SCN11A: variants seen among roughly 807,000 people sequenced by gnomAD.
The protein encoded by SCN11A is sodium voltage-gated channel alpha subunit 11.
Under a neutral mutation model 162.2 loss-of-function variants are expected in SCN11A, and 122 were observed. The observed-to-expected ratio is 0.75, with a 90% CI of 0.65 to 0.87. SCN11A has a LOEUF of 0.87. Ranked by LOEUF, SCN11A falls within the 40% of genes least tolerant of loss-of-function variation. The pLI is 0.00. For synonymous variants in SCN11A, 758 were observed against 751.5 expected (o/e 1.01, Z -0.14); for missense variants, 2,015 against 2,181.6 (o/e 0.92, Z 1.52).
intron 28 of SCN11A, among the ~76,000 whole-genome samples, chr3:38,853,750 C>T (rs1401443989): frequency 1.3e-5 from 2 of 152,180 alleles, no homozygotes; most frequent in African/African-American, 4.8e-5. Flanking sequence ...ATTGCAAGCC[C>T]TTCTTTCATC....
chr3:38,853,845 G>T (rs575041435), intron 28 of SCN11A, among the ~76,000 whole-genome samples: 1 of 152,284 alleles, frequency 6.6e-6, no homozygotes, highest in East Asian at 1.9e-4. Context: ...CAACTCTGTT[G>T]TGCCTATTGT....
chr3:39,049,541 G>C (rs945603625), intron 1 of SCN11A, among the ~76,000 whole-genome samples: 1 of 152,234 alleles, frequency 6.6e-6, no homozygotes, highest in African/African-American at 2.4e-5. Flanking sequence ...CAATGGAATA[G>C]ACTTGCCTAC....
intron 25 of SCN11A, 33 bp downstream of exon 25, chr3:38,871,412 C>T: frequency 6.5e-7 from 1 of 1,539,334 alleles, no homozygotes; most frequent in Non-Finnish European, 8.7e-7. Context: ...AGGTTTTTCT[C>T]CTCAGAGTGA....
rs763391682 is a variant in SCN11A, at chr3:38,910,179, G to C, written c.988C>G (p.His330Asp). 7 of 1,613,452 alleles carry C rather than the reference G, an allele frequency of 4.3e-6. No individual in the cohort carries two copies. The highest frequency in any genetic ancestry group is 5.9e-6 in the Non-Finnish European group (7 of 1,179,538). ...TTATAGTCAGGATTAATTTTGGTGT[G>C]CTTACATTCATATTGTATGGAACAG... ...SACSIQYECK[H>D]TKINPDYNYT... Residue 330 changes from histidine (H) to aspartate (D), a missense_variant, in exon 12 of 30, where the codon CAC becomes GAC. Coordinates refer to ENST00000302328, the MANE Select transcript of SCN11A (RefSeq NM_001349253.2).
At chr3:39,000,193 A>G (rs1430799946) in intron 2 of SCN11A, among the ~76,000 whole-genome samples, 1 of 152,224 alleles carries the variant, frequency 6.6e-6, no homozygotes, top group Non-Finnish European at 1.5e-5. Flanking sequence ...GGGGCAATAC[A>G]TTGCATGTAG....
intron 15 of SCN11A, among the ~76,000 whole-genome samples, chr3:38,904,573 T>C (rs11129810): frequency 0.6 from 90,930 of 151,894 alleles, 27,897 homozygotes; most frequent in South Asian, 0.67. Context: ...GTTCAGACCA[T>C]CCCTGATTTC....
intron 7 of SCN11A, among the ~76,000 whole-genome samples, chr3:38,934,967 C>A: frequency 6.6e-6 from 1 of 151,386 alleles, no homozygotes. Context: ...AAATTGACCA[C>A]ATAGTTGGAA....
chr3:38,949,613 T>C (rs959347760), intron 5 of SCN11A, among the ~76,000 whole-genome samples: 1 of 152,210 alleles, frequency 6.6e-6, no homozygotes, highest in African/African-American at 2.4e-5. Context: ...TGGACCATGA[T>C]ATTAATCCTT....
At chr3:38,878,088 A>C (rs2065249515) in intron 23 of SCN11A, among the ~76,000 whole-genome samples, 1 of 151,760 alleles carries the variant, frequency 6.6e-6, no homozygotes, top group Non-Finnish European at 1.5e-5. Context: ...GCGATGGGGC[A>C]CCAAAATCTC....
At chr3:38,901,033 A>G (rs1287105425) in intron 16 of SCN11A, among the ~76,000 whole-genome samples, 1 of 152,238 alleles carries the variant, frequency 6.6e-6, no homozygotes, top group African/African-American at 2.4e-5. Context: ...AAAAAGCAAG[A>G]ATACAAAAAT....
chr3:39,012,460 TTCTTTCTCTCTC>T (rs1173317449), intron 2 of SCN11A, among the ~76,000 whole-genome samples: 4 of 151,014 alleles, frequency 2.6e-5, no homozygotes, highest in Non-Finnish European at 5.9e-5. Context: ...CTCTCTTTCT[TTCTTTCTCTCTC>T]TCTTTCTCTC....
intron 17 of SCN11A, among the ~76,000 whole-genome samples, chr3:38,898,334 CA>C (rs1333294847): frequency 1.3e-5 from 2 of 152,228 alleles, no homozygotes; most frequent in Non-Finnish European, 2.9e-5. Context: ...TTTATTGGAA[CA>C]TAGCCATGCT....
chr3:38,852,773 T>C (rs2064804402), intron 28 of SCN11A, among the ~76,000 whole-genome samples: 1 of 152,192 alleles, frequency 6.6e-6, no homozygotes, highest in African/African-American at 2.4e-5. Flanking sequence ...TCTGGGGAGA[T>C]AAAGTTGTGG....
intron 2 of SCN11A, among the ~76,000 whole-genome samples, chr3:38,962,738 C>T (rs1376522678): frequency 6.6e-6 from 1 of 152,070 alleles, no homozygotes; most frequent in African/African-American, 2.4e-5. Context: ...ATCCCAGCTA[C>T]TCAGGAGGCT....
At chr3:38,849,913 A>G (rs989543157) in intron 29 of SCN11A, 1 of 152,378 alleles carries the variant, frequency 6.6e-6, no homozygotes, top group African/African-American at 2.4e-5. Flanking sequence ...TTAAGTTAAC[A>G]TGGGATATAG....
chr3:38,944,494 T>G (rs2066486307), intron 7 of SCN11A, among the ~76,000 whole-genome samples: 1 of 151,330 alleles, frequency 6.6e-6, no homozygotes, highest in African/African-American at 2.4e-5. Context: ...GCCTGGCTAA[T>G]TTTTTGTATT....
chr3:38,877,225 T>C (rs2065231983), intron 23 of SCN11A, among the ~76,000 whole-genome samples: 1 of 27,604 alleles, frequency 3.6e-5, no homozygotes, highest in South Asian at 1.3e-3. Context: ...ATGGTGTATA[T>C]ACTATATATA....
At chr3:39,011,745 G>C (rs2031142873) in intron 2 of SCN11A, among the ~76,000 whole-genome samples, 1 of 152,154 alleles carries the variant, frequency 6.6e-6, no homozygotes, top group Admixed American at 6.6e-5. Context: ...ATATTTCCAA[G>C]GTTGGGGGCG....
intron 1 of SCN11A, among the ~76,000 whole-genome samples, chr3:39,039,840 T>C (rs1202213546): frequency 1.3e-5 from 2 of 151,978 alleles, no homozygotes; most frequent in Non-Finnish European, 2.9e-5. Flanking sequence ...ACCATGTACC[T>C]GAAACAGTTC....
Sources: allele counts gnomAD v4.1 joint callset (sites outside exome capture counted in the v4.1 genomes callset), GRCh38; gene constraint gnomAD v4.1.1; transcripts MANE v1.5; gene names NCBI Gene and HGNC (gene_info 2026-07-23, HGNC 2026-07-21).